The following PLD5 variants were observed in gnomAD, a reference collection of about 807,000 sequenced individuals.
PLD5 encodes the protein phospholipase D family member 5, also known as inactive phospholipase D5.
A neutral mutation model predicts 61.1 loss-of-function variants in PLD5; 36 were observed. The observed-to-expected ratio is 0.59, with a 90% CI of 0.45 to 0.78. The LOEUF (loss-of-function observed/expected upper bound fraction) is 0.78. Ranked by LOEUF, PLD5 falls within the 30% of genes least tolerant of loss-of-function variation. The probability of loss-of-function intolerance (pLI) is 0.00; values close to 1 mark genes in which losing one functional copy is unlikely to be tolerated. For synonymous variants in PLD5, 243 were observed against 242.8 expected (o/e 1.00, Z -0.01); for missense variants, 515 against 644.4 (o/e 0.80, Z 2.17).
At chr1:242,095,820 A>C (rs1330538584) in intron 9 of PLD5, among the ~76,000 whole-genome samples, 1 of 152,168 alleles carries the variant, frequency 6.6e-6, no homozygotes, top group East Asian at 1.9e-4. Context: ...TTTTTATTAA[A>C]TGATTTTGGG....
At chr1:242,195,609 G>C (rs1668591020) in intron 5 of PLD5, among the ~76,000 whole-genome samples, 1 of 152,172 alleles carries the variant, frequency 6.6e-6, no homozygotes, top group African/African-American at 2.4e-5. Context: ...GTGTCTGGCA[G>C]GCAATTTCAG....
rs116624546 is a variant in PLD5, at chr1:242,517,887, A to G, written c.189+6201T>C. On this transcript the variant is annotated intron_variant, in intron 1 of 9. Transcript: ENST00000536534. Reference sequence around the variant, plus strand: ...TATCTGGTGACTGATGAGTTTGCCAATTGGTATTTTTTTTTTATGTCAATG... The same window carrying G: ...TATCTGGTGACTGATGAGTTTGCCAGTTGGTATTTTTTTTTTATGTCAATG... Among the ~76,000 whole-genome samples the G allele has an allele frequency of 5.0e-3, 764 of 152,232 alleles. 8 individuals are homozygous for G. The highest frequency in any genetic ancestry group is 0.017 in the African/African-American group (721 of 41,544).
At chr1:242,148,837 C>A (rs777681689) in intron 5 of PLD5, among the ~76,000 whole-genome samples, 3 of 151,802 alleles carry the variant, frequency 2.0e-5, no homozygotes, top group African/African-American at 7.3e-5. Context: ...AACATTTCTA[C>A]ATACAGAAAC....
intron 5 of PLD5, among the ~76,000 whole-genome samples, chr1:242,125,975 G>A (rs190637169): frequency 1.3e-5 from 2 of 152,224 alleles, no homozygotes; most frequent in East Asian, 3.9e-4. Context: ...ATAAAACAAT[G>A]AGCATCCTGA....
In PLD5 at chr1:242,230,918, T is replaced by C. The variant is rs959456246; in HGVS notation, c.608-10803A>G. On this transcript the variant is annotated intron_variant, in intron 4 of 9. Transcript: ENST00000536534. ...TCTTATGACTAGGATATTCTGCTTC[T>C]TGGGAAATACTGTGCTTTGATTATA... 3.3e-5 allele frequency among the ~76,000 whole-genome samples: 5 copies of C among 152,192 alleles called. No individual in the cohort carries two copies. The East Asian group carries it at 9.6e-4, about 29-fold the overall frequency.
intron 9 of PLD5, among the ~76,000 whole-genome samples, chr1:242,095,160 C>T (rs1660125611): frequency 6.6e-6 from 1 of 151,894 alleles, no homozygotes; most frequent in Non-Finnish European, 1.5e-5. Context: ...TGGTCTCTAT[C>T]TCCTGACCTT....
rs761386267 is a variant in PLD5, at chr1:242,090,116, A to G, written c.1355-6T>C. ...CCCTACCCAATCAAAATTTCCTGCA[A>G]ACAAACAAAGAAATAATGTTGAGGA... On this transcript the variant is annotated splice_region_variant and splice_polypyrimidine_tract_variant and intron_variant, in intron 9 of 9. Coordinates refer to ENST00000536534, the MANE Select transcript of PLD5 (RefSeq NM_001372062.1). 7 of 1,608,866 alleles carry G rather than the reference A, an allele frequency of 4.4e-6. No individual in the cohort carries two copies. Among genetic ancestry groups the G allele is most frequent in the Non-Finnish European group, 5.9e-6 (7 of 1,179,334 alleles).
intron 2 of PLD5, among the ~76,000 whole-genome samples, chr1:242,296,164 G>A (rs1156586470): frequency 6.6e-6 from 1 of 152,096 alleles, no homozygotes; most frequent in Admixed American, 6.5e-5. Context: ...CCATGATGTT[G>A]GGCATTTTTC....
intron 5 of PLD5, among the ~76,000 whole-genome samples, chr1:242,132,195 G>A (rs868384129): frequency 1.1e-5 from 1 of 95,126 alleles, no homozygotes; most frequent in Non-Finnish European, 2.3e-5. Flanking sequence ...GTGATTGCGG[G>A]GGGGGGGGGG....
chr1:242,432,769 A>T (rs12239677), intron 1 of PLD5, among the ~76,000 whole-genome samples: 10,717 of 152,214 alleles, frequency 0.07, 451 homozygotes, highest in East Asian at 0.11. Context: ...GTGATGTGGG[A>T]AGGCCAAATG....
intron 3 of PLD5, 112 bp from the exon 4 acceptor site, chr1:242,265,560 T>G: frequency 1.1e-6 from 1 of 920,538 alleles, no homozygotes; most frequent in South Asian, 2.0e-5. Flanking sequence ...TGTTAAAAAG[T>G]CAAGCATTTC....
At chr1:242,278,828 A>T (rs1372949021) in intron 3 of PLD5, among the ~76,000 whole-genome samples, 3 of 152,250 alleles carry the variant, frequency 2.0e-5, no homozygotes, top group African/African-American at 7.2e-5. Flanking sequence ...TGCCACATTT[A>T]AAATGGGAGG....
intron 5 of PLD5, among the ~76,000 whole-genome samples, chr1:242,160,791 A>G (rs1160623388): frequency 6.6e-6 from 1 of 152,102 alleles, no homozygotes; most frequent in Admixed American, 6.5e-5. Flanking sequence ...AGGCTGAGGC[A>G]GGAGAATTGC....
rs141067944 is a variant in PLD5 at position 242,183,721 on chromosome 1, C to T, written c.735+36267G>A. Reference sequence around the variant, plus strand: ...CCATCTTGGCTAACACGGTGAAACCCGTCTCTACTAAAAATACAAAAAATT... The same window carrying T: ...CCATCTTGGCTAACACGGTGAAACCTGTCTCTACTAAAAATACAAAAAATT... On this transcript the variant is annotated intron_variant, in intron 5 of 9. Transcript: ENST00000536534. Among the ~76,000 whole-genome samples the T allele has an allele frequency of 2.9e-4, 44 of 152,178 alleles. 1 individual carries two copies. In the East Asian group the frequency reaches 7.6e-3, roughly 26 times the overall value.
intron 4 of PLD5, among the ~76,000 whole-genome samples, chr1:242,220,574 C>T (rs562569781): frequency 6.6e-6 from 1 of 152,148 alleles, no homozygotes; most frequent in South Asian, 2.1e-4. Context: ...AGACGTTGGC[C>T]TCATTATGCT....
chr1:242,302,899 C>T (rs1488327438), intron 2 of PLD5, among the ~76,000 whole-genome samples: 2 of 151,970 alleles, frequency 1.3e-5, no homozygotes, highest in African/African-American at 4.8e-5. Flanking sequence ...AATTTTTACC[C>T]CCTTACACTA....
intron 2 of PLD5, among the ~76,000 whole-genome samples, chr1:242,308,641 T>C (rs1032570476): frequency 2.0e-5 from 3 of 152,164 alleles, no homozygotes; most frequent in Non-Finnish European, 2.9e-5. Flanking sequence ...GTGAATGATA[T>C]GATTTCAGTT....
chr1:242,308,290 A>G (rs1401712980), intron 2 of PLD5, among the ~76,000 whole-genome samples: 2 of 152,122 alleles, frequency 1.3e-5, no homozygotes, highest in African/African-American at 4.8e-5. Flanking sequence ...ATAAGATATA[A>G]TTAGAATCTG....
intron 1 of PLD5, among the ~76,000 whole-genome samples, chr1:242,434,907 G>A (rs951366650): frequency 3.3e-5 from 5 of 152,160 alleles, no homozygotes; most frequent in Non-Finnish European, 2.9e-5. Context: ...CAGGGTACAT[G>A]TGAAGATGTG....
Sources: allele counts gnomAD v4.1 joint callset (sites outside exome capture counted in the v4.1 genomes callset), GRCh38; gene constraint gnomAD v4.1.1; transcripts MANE v1.5; gene names NCBI Gene and HGNC (gene_info 2026-07-23, HGNC 2026-07-21).